TTC28: variants seen among roughly 807,000 people sequenced by gnomAD.
TTC28 encodes the protein tetratricopeptide repeat domain 28, also known as tetratricopeptide repeat protein 28.
In TTC28, 61 loss-of-function variants were observed where a neutral mutation model predicts 198.0. The ratio of observed to expected loss-of-function variants is 0.31; its 90% confidence interval spans 0.25 to 0.38. The LOEUF (loss-of-function observed/expected upper bound fraction) is 0.38, where lower values mean the gene tolerates loss of function less well. Among genes scored for constraint, TTC28 ranks in the 10% least tolerant of loss-of-function variants. The probability of loss-of-function intolerance (pLI) is 1.00; values close to 1 mark genes in which losing one functional copy is unlikely to be tolerated. For synonymous variants in TTC28, 1,171 were observed against 1,297.8 expected, an observed-to-expected ratio of 0.90 and a Z score of 2.10; for missense variants, 2,678 against 3,164.0, an observed-to-expected ratio of 0.85 and a Z score of 3.69.
intron 6 of TTC28, among the ~76,000 whole-genome samples, chr22:28,109,932 A>G (rs868181220): frequency 6.6e-6 from 1 of 152,348 alleles, no homozygotes; most frequent in Middle Eastern, 3.4e-3. Flanking sequence ...GAAAGCTGTG[A>G]AAACCTAGCC....
chr22:28,409,436 GTTC>G (rs994916397), intron 2 of TTC28, among the ~76,000 whole-genome samples: 8 of 151,958 alleles, frequency 5.3e-5, no homozygotes, highest in East Asian at 1.9e-4. Flanking sequence ...CTCTTTGAAA[GTTC>G]TTCTTAAATA....
At chr22:28,172,620 T>C (rs1189678471) in intron 5 of TTC28, among the ~76,000 whole-genome samples, 2 of 152,186 alleles carry the variant, frequency 1.3e-5, no homozygotes, top group African/African-American at 4.8e-5. Flanking sequence ...ATTTCCCCTC[T>C]GGGGTGTGGG....
intron 2 of TTC28, among the ~76,000 whole-genome samples, chr22:28,438,481 T>C (rs1466596196): frequency 6.6e-6 from 1 of 152,182 alleles, no homozygotes; most frequent in East Asian, 1.9e-4. Flanking sequence ...AAGATAAATA[T>C]ATCATATGAC....
intron 2 of TTC28, among the ~76,000 whole-genome samples, chr22:28,485,122 C>A (rs1351060513): frequency 3.3e-5 from 5 of 152,160 alleles, no homozygotes; most frequent in Non-Finnish European, 5.9e-5. Context: ...AGAGTCAACA[C>A]TTTTTAAAAG....
intron 11 of TTC28, among the ~76,000 whole-genome samples, chr22:28,095,319 G>A (rs904892018): frequency 1.3e-5 from 2 of 150,892 alleles, no homozygotes; most frequent in Admixed American, 6.6e-5. Context: ...GAATGTATAC[G>A]CACAAATGCT....
chr22:28,143,293 C>T (rs995052743), intron 6 of TTC28, among the ~76,000 whole-genome samples: 6 of 152,136 alleles, frequency 3.9e-5, no homozygotes, highest in African/African-American at 9.7e-5. Flanking sequence ...AAAGAAGTAA[C>T]AGAACCATTC....
chr22:28,061,794 T>A (rs1402569988), intron 12 of TTC28, among the ~76,000 whole-genome samples: 3 of 152,224 alleles, frequency 2.0e-5, no homozygotes, highest in Non-Finnish European at 1.5e-5. Context: ...ATTGAATCTA[T>A]AAATTACCTT....
At chr22:28,295,852 T>C in intron 5 of TTC28, among the ~76,000 whole-genome samples, 1 of 152,110 alleles carries the variant, frequency 6.6e-6, no homozygotes, top group Non-Finnish European at 1.5e-5. Context: ...AAAAAACCAA[T>C]GTTTGCTTTT....
intron 2 of TTC28, among the ~76,000 whole-genome samples, chr22:28,460,729 G>T (rs1467219091): frequency 1.3e-5 from 2 of 152,096 alleles, no homozygotes; most frequent in Non-Finnish European, 2.9e-5. Flanking sequence ...TGTCACCCAG[G>T]CTGCAGTGCA....
chr22:28,063,460 C>T (rs185582205), intron 12 of TTC28, among the ~76,000 whole-genome samples: 52 of 152,296 alleles, frequency 3.4e-4, no homozygotes, highest in Non-Finnish European at 6.0e-4. Context: ...TGACACCCCT[C>T]CAGAATCTGT....
chr22:28,563,863 T>A (rs1256547381), intron 2 of TTC28, among the ~76,000 whole-genome samples: 2 of 152,192 alleles, frequency 1.3e-5, no homozygotes, highest in African/African-American at 4.8e-5. Flanking sequence ...AGCATTATTA[T>A]TCACAATAGC....
chr22:28,113,819 T>A (rs1942556553), intron 6 of TTC28, among the ~76,000 whole-genome samples: 1 of 152,226 alleles, frequency 6.6e-6, no homozygotes, highest in African/African-American at 2.4e-5. Context: ...CTCCTGTGTG[T>A]TCATGAACAT....
At chr22:28,539,029 TATGTGAAAGGAAGGTCA>T (rs1174321524) in intron 2 of TTC28, among the ~76,000 whole-genome samples, 2 of 152,202 alleles carry the variant, frequency 1.3e-5, no homozygotes, top group African/African-American at 4.8e-5. Flanking sequence ...ACTGTGAGAC[TATGTGAAAGGAAGGTCA>T]ACTTGCCAGA....
intron 2 of TTC28, among the ~76,000 whole-genome samples, chr22:28,515,716 T>C (rs1199362005): frequency 6.6e-6 from 1 of 152,114 alleles, no homozygotes; most frequent in African/African-American, 2.4e-5. Flanking sequence ...TGCAGTGGGG[T>C]CTGAAATTTT....
chr22:28,670,334 C>T (rs2051859041), intron 1 of TTC28, among the ~76,000 whole-genome samples: 1 of 152,064 alleles, frequency 6.6e-6, no homozygotes, highest in Admixed American at 6.6e-5. Context: ...CAGTCATTCC[C>T]TCCTCCTCCC....
intron 5 of TTC28, among the ~76,000 whole-genome samples, chr22:28,191,738 G>C (rs563948250): frequency 2.6e-5 from 4 of 152,190 alleles, no homozygotes; most frequent in Non-Finnish European, 1.5e-5. Flanking sequence ...AGCGAGGCTG[G>C]GGGAGGGGTG....
chr22:28,243,592 T>TA (rs1008862404), intron 5 of TTC28, among the ~76,000 whole-genome samples: 1 of 152,056 alleles, frequency 6.6e-6, no homozygotes, highest in Non-Finnish European at 1.5e-5. Context: ...CAGAGCTAGA[T>TA]AAAGTAAGAT....
intron 12 of TTC28, among the ~76,000 whole-genome samples, chr22:28,068,713 G>C (rs1940852845): frequency 6.6e-6 from 1 of 152,238 alleles, no homozygotes; most frequent in Middle Eastern, 3.4e-3. Flanking sequence ...TGTTTGAATA[G>C]AAAAATAGGT....
intron 12 of TTC28, among the ~76,000 whole-genome samples, chr22:28,032,235 AATATATATATATAAAAT>A (rs1401856678): frequency 5.2e-4 from 63 of 120,048 alleles, no homozygotes; most frequent in African/African-American, 1.6e-3. Context: ...ATATATATAA[AATATATATATATAAAAT>A]ATATATATAT....
Sources: gnomAD v4.1 joint callset for allele counts (sites outside exome capture counted in the v4.1 genomes callset) on GRCh38, gnomAD v4.1.1 for gene constraint, MANE v1.5 for transcripts, NCBI Gene and HGNC (gene_info 2026-07-23, HGNC 2026-07-21) for gene names.